Variants in SUPT3H observed in about 807,000 individuals in gnomAD.
SUPT3H encodes the protein SPT3 homolog, SAGA and STAGA complex component, also known as transcription initiation protein SPT3 homolog.
SUPT3H carries 44 observed loss-of-function variants against 44.3 expected under a neutral mutation model. The observed-to-expected ratio is 0.99, with a 90% CI of 0.78 to 1.28. The LOEUF (loss-of-function observed/expected upper bound fraction) is 1.28. SUPT3H is among the 50% of genes most tolerant of loss of function. The pLI is 0.00. For missense variants in SUPT3H, 380 were observed against 387.1 expected (o/e 0.98, Z 0.15); for synonymous variants, 124 against 125.6 (o/e 0.99, Z 0.09).
Position 44,827,608 on chromosome 6 carries a change from T to TAAAC in SUPT3H, c.*2204_*2207dup, listed in dbSNP as rs1767908231. Among the ~76,000 whole-genome samples the TAAAC allele has an allele frequency of 1.3e-5, 2 of 152,118 alleles. No homozygotes were observed. Among genetic ancestry groups the TAAAC allele is most frequent in the African/African-American group, 4.8e-5 (2 of 41,452 alleles). On this transcript the variant is annotated 3_prime_UTR_variant, in exon 11 of 11. Transcript: ENST00000371459. ...AGAAAATAATTTACTGAAGTTTTCTTAAACATTCCTTCTGTAAATTTTCTT... is the reference window on the plus strand; with the variant it reads ...AGAAAATAATTTACTGAAGTTTTCTTAAACAAACATTCCTTCTGTAAATTTTCTT...
chr6:44,941,242 T>G (rs74535709), intron 9 of SUPT3H, among the ~76,000 whole-genome samples: 6,532 of 152,228 alleles, frequency 0.043, 202 homozygotes, highest in Non-Finnish European at 0.065. Flanking sequence ...AATTTTATAC[T>G]TTTGTGTCTT....
chr6:45,185,129 A>AT (rs963465878), intron 2 of SUPT3H, among the ~76,000 whole-genome samples: 5 of 152,130 alleles, frequency 3.3e-5, no homozygotes, highest in African/African-American at 1.2e-4. Flanking sequence ...TGTGGATCGC[A>AT]TTCCTCCAAC....
intron 6 of SUPT3H, among the ~76,000 whole-genome samples, chr6:44,962,470 T>C (rs1221849312): frequency 2.6e-5 from 4 of 152,022 alleles, no homozygotes. Flanking sequence ...TGGGAAAGAA[T>C]ATGACCACTT....
rs944353707 is a variant in SUPT3H, at chr6:45,368,589, G to C, written c.1-3288C>G. On this transcript the variant is annotated intron_variant, in intron 1 of 10. Transcript: ENST00000371459. ...CCATGAAACATCTTTAAGCTTAAAA[G>C]ACCTCAAATTGTTGAGAACCTTATT... is the stretch of plus-strand genomic sequence containing the variant. Among the ~76,000 whole-genome samples the C allele has an allele frequency of 1.3e-4, 20 of 152,200 alleles. 1 individual carries two copies. In the South Asian group the frequency reaches 2.3e-3, roughly 17 times the overall value.
chr6:45,169,678 T>C (rs1262216858), intron 2 of SUPT3H, among the ~76,000 whole-genome samples: 2 of 152,212 alleles, frequency 1.3e-5, no homozygotes, highest in Admixed American at 1.3e-4. Flanking sequence ...GAAAAGCTCT[T>C]CAGATTATTC....
intron 2 of SUPT3H, among the ~76,000 whole-genome samples, chr6:45,180,342 C>T (rs1300727650): frequency 5.3e-5 from 8 of 149,678 alleles, no homozygotes; most frequent in African/African-American, 7.4e-5. Context: ...ACCAATGACT[C>T]TCTTCACAGA....
chr6:44,909,142 C>CGTGTGTGTGT (rs34494107), intron 10 of SUPT3H, among the ~76,000 whole-genome samples: 4 of 146,958 alleles, frequency 2.7e-5, no homozygotes, highest in African/African-American at 1.0e-4. Flanking sequence ...TGTGTGTGTG[C>CGTGTGTGTGT]GTGTGTGTGT....
chr6:45,102,507 C>T (rs539107956), intron 3 of SUPT3H, among the ~76,000 whole-genome samples: 6 of 152,040 alleles, frequency 3.9e-5, no homozygotes, highest in African/African-American at 1.4e-4. Flanking sequence ...TATAAAATAT[C>T]CACTTTTAAA....
chr6:45,262,325 C>A (rs1219778725), intron 2 of SUPT3H, among the ~76,000 whole-genome samples: 1 of 151,810 alleles, frequency 6.6e-6, no homozygotes, highest in African/African-American at 2.4e-5. Flanking sequence ...CACAGACCAA[C>A]AGAACAGAAT....
intron 3 of SUPT3H, 125 bp downstream of exon 3, chr6:45,105,797 A>G: frequency 1.5e-6 from 1 of 675,096 alleles, no homozygotes; most frequent in Non-Finnish European, 2.4e-6. Flanking sequence ...TATATAAAGT[A>G]TACTTCAATA....
At chr6:45,119,091 C>G (rs771012065) in intron 2 of SUPT3H, among the ~76,000 whole-genome samples, 6 of 152,138 alleles carry the variant, frequency 3.9e-5, no homozygotes, top group African/African-American at 1.2e-4. Flanking sequence ...GTTGTCTAAT[C>G]TACTGTCATA....
intron 10 of SUPT3H, among the ~76,000 whole-genome samples, chr6:44,885,340 C>A (rs184389975): frequency 6.6e-6 from 1 of 152,148 alleles, no homozygotes; most frequent in African/African-American, 2.4e-5. Flanking sequence ...CACCTGACCC[C>A]GAGAAGCCTA....
At chr6:45,025,141 G>A (rs113048451) in intron 3 of SUPT3H, among the ~76,000 whole-genome samples, 21 of 152,244 alleles carry the variant, frequency 1.4e-4, no homozygotes, top group African/African-American at 5.1e-4. Context: ...CTCTAATATA[G>A]TACTATAGTT....
intron 10 of SUPT3H, among the ~76,000 whole-genome samples, chr6:44,831,012 A>ACTT (rs1768591054): frequency 1.3e-5 from 2 of 152,292 alleles, no homozygotes; most frequent in South Asian, 4.1e-4. Context: ...TGGAAAGTAG[A>ACTT]CTTAACCCTT....
At chr6:45,287,543 CAT>C (rs1457776345) in intron 2 of SUPT3H, among the ~76,000 whole-genome samples, 1 of 152,110 alleles carries the variant, frequency 6.6e-6, no homozygotes, top group Non-Finnish European at 1.5e-5. Flanking sequence ...GGAGTGACCT[CAT>C]ATAATTTGTA....
chr6:44,809,828 C>T (rs1399258209), intron 11 of SUPT3H, among the ~76,000 whole-genome samples: 1 of 152,064 alleles, frequency 6.6e-6, no homozygotes, highest in Non-Finnish European at 1.5e-5. Flanking sequence ...TCAATGCTCC[C>T]ACTTAATAGA....
chr6:45,227,174 T>C (rs1405342224), intron 2 of SUPT3H, among the ~76,000 whole-genome samples: 4 of 151,652 alleles, frequency 2.6e-5, no homozygotes, highest in East Asian at 1.9e-4. Context: ...TATTTAATGA[T>C]AGTTAGTATA....
intron 8 of SUPT3H, 95 bp downstream of exon 8, chr6:44,954,400 A>T: frequency 1.1e-6 from 1 of 907,484 alleles, no homozygotes; most frequent in Non-Finnish European, 1.8e-6. Flanking sequence ...GGCTGTTATT[A>T]CTGGTAGAGC....
chr6:45,167,375 AATG>A (rs1810061253), intron 2 of SUPT3H, among the ~76,000 whole-genome samples: 1 of 152,188 alleles, frequency 6.6e-6, no homozygotes, highest in Non-Finnish European at 1.5e-5. Flanking sequence ...GGGCTTACTA[AATG>A]ATAACTAAGC....
Sources: allele counts gnomAD v4.1 joint callset (sites outside exome capture counted in the v4.1 genomes callset), GRCh38; gene constraint gnomAD v4.1.1; transcripts MANE v1.5; gene names NCBI Gene and HGNC (gene_info 2026-07-23, HGNC 2026-07-21).